The following VPS13B variants were observed in gnomAD, a reference collection of about 807,000 sequenced individuals.
The protein encoded by VPS13B is vacuolar protein sorting 13 homolog B.
In VPS13B, 285 loss-of-function variants were observed where a neutral mutation model predicts 426.4. The ratio of observed to expected loss-of-function variants is 0.67; its 90% CI spans 0.61 to 0.74. The LOEUF is 0.74. VPS13B is among the 30% of genes least tolerant of loss of function. The pLI, the probability that VPS13B is intolerant of heterozygous loss-of-function variation, is 0.00. For missense variants in VPS13B, 4,537 were observed against 4,782.6 expected, an observed-to-expected ratio of 0.95 and a Z score of 1.51; for synonymous variants, 1,676 against 1,676.4, an observed-to-expected ratio of 1.00 and a Z score of 0.01.
intron 33 of VPS13B, among the ~76,000 whole-genome samples, chr8:99,640,083 AAAGAAAAGAAAAG>A (rs1201547908): frequency 6.7e-6 from 1 of 149,816 alleles, no homozygotes; most frequent in African/African-American, 2.5e-5. Context: ...AAAGAAAAGA[AAAGAAAAGAAAAG>A]AAAAGAAAAG....
chr8:99,557,172 C>G (rs1422752609), intron 31 of VPS13B, among the ~76,000 whole-genome samples: 1 of 151,592 alleles, frequency 6.6e-6, no homozygotes, highest in East Asian at 1.9e-4. Flanking sequence ...TTTTTGGGTA[C>G]AGGTAGTTTT....
In VPS13B at chr8:99,835,207, C is replaced by CTG; in HGVS notation, c.9626_9627dup (p.Thr3210Ter). On this transcript the variant is annotated frameshift_variant, in exon 53 of 62. Coordinates refer to ENST00000357162, the MANE Select transcript of VPS13B (RefSeq NM_152564.5). LOFTEE classifies it high-confidence loss of function. ...TTGATTCTCTTCCAGGGCTATAGTG[C>CTG]TGACATATCAAGAACACCTCGGAGT... The CTG allele has an allele frequency of 6.2e-7, 1 of 1,613,898 alleles. No individual in the cohort carries two copies. The highest frequency in any genetic ancestry group is 1.7e-4 in the Middle Eastern group (1 of 6,058).
chr8:99,300,002 C>T (rs1221659314), intron 19 of VPS13B, among the ~76,000 whole-genome samples: 2 of 152,138 alleles, frequency 1.3e-5, no homozygotes, highest in Admixed American at 6.5e-5. Context: ...ATAACTACTA[C>T]CTGATTGTCT....
chr8:99,540,034 TATATATATATATATATATATA>T (rs1823489611), intron 30 of VPS13B, among the ~76,000 whole-genome samples: 3 of 3,666 alleles, frequency 8.2e-4, no homozygotes, highest in South Asian at 5.6e-3. Context: ...TATATATATA[TATATATATATATATATATATA>T]TATATATATT....
At chr8:99,814,064 G>A (rs6982743) in intron 44 of VPS13B, among the ~76,000 whole-genome samples, 1,780 of 152,286 alleles carry the variant, frequency 0.012, 32 homozygotes, top group African/African-American at 0.039. Flanking sequence ...CCCTTGAGCC[G>A]AGGAGTTCAA....
intron 43 of VPS13B, among the ~76,000 whole-genome samples, chr8:99,788,710 A>G (rs1812395035): frequency 6.6e-6 from 1 of 152,180 alleles, no homozygotes; most frequent in African/African-American, 2.4e-5. Context: ...ATTTTCAAAC[A>G]TCACAATTAC....
chr8:99,356,867 T>G (rs969430853), intron 19 of VPS13B, among the ~76,000 whole-genome samples: 2 of 152,184 alleles, frequency 1.3e-5, no homozygotes, highest in African/African-American at 4.8e-5. Context: ...GCTCTTTCAT[T>G]TCTGTTTTAC....
At chr8:99,312,308 A>G (rs1019216696) in intron 19 of VPS13B, among the ~76,000 whole-genome samples, 5 of 152,060 alleles carry the variant, frequency 3.3e-5, no homozygotes, top group Admixed American at 6.6e-5. Context: ...GGCTGCTACC[A>G]GTTGTTCCTT....
At chr8:99,546,886 G>A (rs576459274) in intron 30 of VPS13B, among the ~76,000 whole-genome samples, 4 of 152,030 alleles carry the variant, frequency 2.6e-5, no homozygotes, top group East Asian at 1.9e-4. Context: ...ACTTGTTTAC[G>A]TACAGTTTAA....
At chr8:99,662,006 T>C (rs1457181857) in intron 35 of VPS13B, among the ~76,000 whole-genome samples, 2 of 152,130 alleles carry the variant, frequency 1.3e-5, no homozygotes, top group African/African-American at 2.4e-5. Context: ...ATATCAAAAA[T>C]TTTTGAGAGC....
chr8:99,392,596 A>G (rs1814503867), intron 21 of VPS13B, among the ~76,000 whole-genome samples: 1 of 152,094 alleles, frequency 6.6e-6, no homozygotes. Flanking sequence ...GGGCAGAAAT[A>G]TTAAGAAGAT....
chr8:99,741,540 C>T (rs1211513809), intron 39 of VPS13B, among the ~76,000 whole-genome samples: 3 of 152,158 alleles, frequency 2.0e-5, no homozygotes, highest in Non-Finnish European at 4.4e-5. Context: ...AGCACCACAC[C>T]ACACCTATTC....
rs1459258490 is a variant in VPS13B at position 99,820,049 on chromosome 8, T to C, written c.8921T>C (p.Leu2974Pro). Residue 2974 changes from leucine (L) to proline (P), a missense_variant, in exon 49 of 62, where the codon CTC becomes CCC. Physicochemically the swap from Leu to Pro is moderately conservative, Grantham distance 98. Transcript: ENST00000357162. The stretch of plus-strand genomic sequence containing the variant: ...CTTATCAATGAATCCAAATGGGACC[T>C]CTGGCTATTTGAAGGAGAGAAAATT... ...ALLINESKWD[L>P]WLFEGEKIVL... is the part of the protein sequence containing the mutation. 3.7e-6 allele frequency: 6 copies of C among 1,613,914 alleles called. No homozygotes were observed. The highest frequency in any genetic ancestry group is 5.1e-6 in the Non-Finnish European group (6 of 1,179,904).
At chr8:99,258,395 T>A (rs1318602391) in intron 17 of VPS13B, among the ~76,000 whole-genome samples, 1 of 151,940 alleles carries the variant, frequency 6.6e-6, no homozygotes, top group East Asian at 1.9e-4. Context: ...GAGAAAAAAA[T>A]CACTCTAATA....
At position 99,577,561 on chromosome 8, in the gene VPS13B, T is replaced by A. The variant is rs1324166077; in HGVS notation, c.5148T>A (p.Ala1716=). Residue 1716 remains alanine, a synonymous_variant, in exon 33 of 62, where the codon GCT becomes GCA. Coordinates refer to ENST00000357162, the MANE Select transcript of VPS13B (RefSeq NM_152564.5). ...ACCTGGACTTCTTCCTAAGTGTGGC[T>A]CAAGTTCAACTCTTACATCAGTTAA... ...TTNLDFFLSV[A]QVQLLHQLIV... 1 of 1,613,888 alleles carries A rather than the reference T, an allele frequency of 6.2e-7. No individual in the cohort carries two copies. The highest frequency in any genetic ancestry group is 1.7e-5 in the Admixed American group (1 of 60,010).
chr8:99,163,912 G>T (rs1339908436), intron 15 of VPS13B, among the ~76,000 whole-genome samples: 1 of 152,232 alleles, frequency 6.6e-6, no homozygotes, highest in Admixed American at 6.5e-5. Flanking sequence ...CAGGGGAGGT[G>T]CTGAGAGCAA....
chr8:99,463,124 C>T (rs1488662255), intron 23 of VPS13B, among the ~76,000 whole-genome samples: 1 of 152,176 alleles, frequency 6.6e-6, no homozygotes, highest in Non-Finnish European at 1.5e-5. Flanking sequence ...ATAATATTCA[C>T]ATTTTTAGCA....
At chr8:99,809,675 C>G (rs1359895973) in intron 44 of VPS13B, 145 bp downstream of exon 44, 17 of 979,942 alleles carry the variant, frequency 1.7e-5, no homozygotes, top group Admixed American at 4.4e-5. Flanking sequence ...TTAATAAATG[C>G]TTATCTATGA....
chr8:99,095,732 C>G (rs1366265287), intron 3 of VPS13B, among the ~76,000 whole-genome samples: 2 of 152,006 alleles, frequency 1.3e-5, no homozygotes, highest in Non-Finnish European at 2.9e-5. Flanking sequence ...GGATAAATTT[C>G]AAAAATATGT....
Sources: allele counts gnomAD v4.1 joint callset (sites outside exome capture counted in the v4.1 genomes callset), GRCh38; gene constraint gnomAD v4.1.1; transcripts MANE v1.5; gene names NCBI Gene and HGNC (gene_info 2026-07-23, HGNC 2026-07-21).